TBCK: variants seen among roughly 807,000 people sequenced by gnomAD.
TBCK encodes TBC1 domain containing kinase.
In TBCK, 99 loss-of-function variants were observed where a neutral mutation model predicts 113.4. The observed-to-expected ratio is 0.87, with a 90% CI of 0.74 to 1.03. The LOEUF (loss-of-function observed/expected upper bound fraction) is 1.03. Ranked by LOEUF, TBCK falls within the 50% of genes least tolerant of loss-of-function variation. TBCK has a pLI of 0.00. For synonymous variants in TBCK, 369 were observed against 370.8 expected (o/e 1.00, Z 0.05); for missense variants, 1,045 against 1,061.3 (o/e 0.98, Z 0.21).
chr4:106,309,305 CTTTTTTTTTTTTTTT>C (rs536969885), intron 1 of TBCK, among the ~76,000 whole-genome samples: 10 of 103,154 alleles, frequency 9.7e-5, no homozygotes, highest in East Asian at 6.6e-4. Context: ...AGGCTCTTCT[CTTTTTTTTTTTTTTT>C]TTTTTTTTTT....
intron 3 of TBCK, among the ~76,000 whole-genome samples, chr4:106,265,968 T>C (rs928313615): frequency 2.0e-5 from 3 of 151,818 alleles, no homozygotes; most frequent in African/African-American, 4.8e-5. Flanking sequence ...TATCAAATAA[T>C]TTCTCCCATA....
At chr4:106,232,705 T>C (rs1177051980) in intron 17 of TBCK, among the ~76,000 whole-genome samples, 1 of 152,034 alleles carries the variant, frequency 6.6e-6, no homozygotes, top group Non-Finnish European at 1.5e-5. Flanking sequence ...ATATTCTTTC[T>C]GCTTTGCTAA....
intron 10 of TBCK, among the ~76,000 whole-genome samples, chr4:106,245,637 T>C (rs541992972): frequency 2.0e-5 from 3 of 152,304 alleles, no homozygotes; most frequent in Non-Finnish European, 4.4e-5. Flanking sequence ...TCTGATTCAA[T>C]TTTTGTAATA....
chr4:106,291,076 A>ATC (rs1315274086), intron 3 of TBCK, among the ~76,000 whole-genome samples: 6 of 152,334 alleles, frequency 3.9e-5, no homozygotes, highest in African/African-American at 1.4e-4. Flanking sequence ...ATTAAGCTGT[A>ATC]TCTGGTGGTA....
chr4:106,055,728 T>C (rs62320116), intron 25 of TBCK, among the ~76,000 whole-genome samples: 11,729 of 151,654 alleles, frequency 0.077, 521 homozygotes, highest in Middle Eastern at 0.18. Context: ...TAATTTATAA[T>C]GGAGACAGTC....
In TBCK at chr4:106,225,134, G is replaced by T. The variant is rs992042643; in HGVS notation, c.1774+5229C>A. 2.0e-5 allele frequency among the ~76,000 whole-genome samples: 3 copies of T among 152,080 alleles called. No individual in the cohort carries two copies. The South Asian group carries it at 6.2e-4, about 32-fold the overall frequency. ...CACAGTGTCAGCACAGTTATATACTGAAAGACTAAATTAATTGAAACTGTT... is the reference window on the plus strand; with the variant it reads ...CACAGTGTCAGCACAGTTATATACTTAAAGACTAAATTAATTGAAACTGTT... On this transcript the variant is annotated intron_variant, in intron 19 of 25. Transcript: ENST00000394708.
At chr4:106,221,736 A>T (rs1757704649) in intron 19 of TBCK, among the ~76,000 whole-genome samples, 1 of 152,172 alleles carries the variant, frequency 6.6e-6, no homozygotes, top group Non-Finnish European at 1.5e-5. Context: ...ACTCTTTTTA[A>T]GGAGACATTA....
intron 19 of TBCK, among the ~76,000 whole-genome samples, chr4:106,215,397 T>C (rs976119922): frequency 6.6e-6 from 1 of 151,788 alleles, no homozygotes; most frequent in Non-Finnish European, 1.5e-5. Flanking sequence ...GACTAAAGGC[T>C]CCAGTTAAAA....
chr4:106,199,861 T>C (rs1754678779), intron 20 of TBCK, among the ~76,000 whole-genome samples: 2 of 152,178 alleles, frequency 1.3e-5, no homozygotes. Context: ...CATGACTAGT[T>C]TCCTAGATTC....
intron 3 of TBCK, among the ~76,000 whole-genome samples, chr4:106,275,132 G>T (rs917105356): frequency 6.6e-6 from 1 of 151,966 alleles, no homozygotes; most frequent in African/African-American, 2.4e-5. Context: ...CACAAAAAAA[G>T]AATTCAAAAT....
intron 22 of TBCK, among the ~76,000 whole-genome samples, chr4:106,189,354 A>AAAG (rs1560788663): frequency 3.7e-5 from 5 of 134,270 alleles, no homozygotes; most frequent in Non-Finnish European, 8.1e-5. Context: ...AAAAAAAAAA[A>AAAG]AAAAAGAAAA....
intron 3 of TBCK, among the ~76,000 whole-genome samples, chr4:106,277,549 C>G (rs1194540013): frequency 6.6e-6 from 1 of 151,976 alleles, no homozygotes; most frequent in African/African-American, 2.4e-5. Flanking sequence ...CATGGATGAC[C>G]CTCAGAAATT....
intron 23 of TBCK, among the ~76,000 whole-genome samples, chr4:106,146,199 A>G (rs1006268175): frequency 6.6e-6 from 1 of 152,040 alleles, no homozygotes; most frequent in Admixed American, 6.6e-5. Context: ...ATACATATAC[A>G]TGTAATACAT....
At chr4:106,124,793 C>T (rs562729867) in intron 23 of TBCK, among the ~76,000 whole-genome samples, 2 of 151,268 alleles carry the variant, frequency 1.3e-5, no homozygotes, top group East Asian at 2.0e-4. Context: ...TAGGTGGGAA[C>T]TGAACAATGA....
chr4:106,201,354 C>A (rs530973338), intron 20 of TBCK, among the ~76,000 whole-genome samples: 1 of 151,934 alleles, frequency 6.6e-6, no homozygotes, highest in South Asian at 2.1e-4. Flanking sequence ...ATAAAAAAGA[C>A]ATCAAGATAC....
intron 22 of TBCK, among the ~76,000 whole-genome samples, chr4:106,179,892 A>G (rs138118099): frequency 0.015 from 2,236 of 152,114 alleles, 61 homozygotes; most frequent in South Asian, 0.035. Context: ...TAGGTTAATT[A>G]ATATTTGTTT....
At position 106,316,003 on chromosome 4, in the gene TBCK, CGCTGTG is replaced by C. The variant is rs1181756309; in HGVS notation, c.-108_-103del. ...CTTCTACACAGGGCCCCAGCGCTGTCGCTGTGGCTGCTGCTGCCGCTACGGCTTAGT... is the reference window on the plus strand; with the variant it reads ...CTTCTACACAGGGCCCCAGCGCTGTCGCTGCTGCTGCCGCTACGGCTTAGT... On this transcript the variant is annotated 5_prime_UTR_variant, in exon 1 of 26. Transcript: ENST00000394708. 1 of 152,796 alleles carries C rather than the reference CGCTGTG, an allele frequency of 6.5e-6. No individual in the cohort carries two copies. Among genetic ancestry groups the C allele is most frequent in the East Asian group, 1.9e-4 (1 of 5,186 alleles). 9.5% of individuals were successfully genotyped at this position (152,796 alleles called of 1,614,324 possible). A position where few individuals can be genotyped will look rare whatever the true frequency, so the allele number is the denominator to read the frequency against.
intron 25 of TBCK, among the ~76,000 whole-genome samples, chr4:106,090,095 T>C (rs1246230531): frequency 6.6e-6 from 1 of 152,226 alleles, no homozygotes; most frequent in Non-Finnish European, 1.5e-5. Context: ...GCTCCTGTAG[T>C]AGGCTTCTGC....
intron 22 of TBCK, among the ~76,000 whole-genome samples, chr4:106,175,986 C>G (rs1321186255): frequency 2.0e-5 from 3 of 152,026 alleles, no homozygotes; most frequent in Admixed American, 1.3e-4. Context: ...AAGACTTGAA[C>G]AAAACATGAA....
Sources: allele counts gnomAD v4.1 joint callset (sites outside exome capture counted in the v4.1 genomes callset), GRCh38; gene constraint gnomAD v4.1.1; transcripts MANE v1.5; gene names NCBI Gene and HGNC (gene_info 2026-07-23, HGNC 2026-07-21).